Variants in FBXO33 observed in about 807,000 individuals in gnomAD.
FBXO33 encodes F-box only protein 33.
A neutral mutation model predicts 46.3 loss-of-function variants in FBXO33; 22 were observed. The observed-to-expected ratio is 0.48, with a 90% confidence interval of 0.34 to 0.68. The LOEUF (loss-of-function observed/expected upper bound fraction) is 0.68. FBXO33 is among the 30% of genes least tolerant of loss of function. FBXO33 has a pLI of 0.01. For missense variants in FBXO33, 692 were observed against 708.8 expected (o/e 0.98, Z 0.27); for synonymous variants, 337 against 291.3 (o/e 1.16, Z -1.60).
intron 1 of FBXO33, among the ~76,000 whole-genome samples, chr14:39,413,040 T>G (rs1380716902): frequency 6.6e-6 from 1 of 152,262 alleles, no homozygotes; most frequent in Non-Finnish European, 1.5e-5. Flanking sequence ...CAATGAAGTT[T>G]GCTGCATCTG....
At chr14:39,431,256 T>C (rs1172570730) in intron 1 of FBXO33, among the ~76,000 whole-genome samples, 1 of 152,048 alleles carries the variant, frequency 6.6e-6, no homozygotes, top group African/African-American at 2.4e-5. Flanking sequence ...CTCCCATATA[T>C]AAAATGAAAA....
intron 1 of FBXO33, among the ~76,000 whole-genome samples, chr14:39,408,918 C>G (rs1388065538): frequency 1.3e-5 from 2 of 151,868 alleles, no homozygotes; most frequent in Non-Finnish European, 2.9e-5. Context: ...TGGGACTACA[C>G]ATGCATGCTA....
chr14:39,413,670 T>C (rs967944726), intron 1 of FBXO33, among the ~76,000 whole-genome samples: 2 of 152,240 alleles, frequency 1.3e-5, no homozygotes, highest in African/African-American at 2.4e-5. Context: ...CTTGGATCCA[T>C]GGGCTGCAGA....
chr14:39,418,034 C>CT (rs199628299), intron 1 of FBXO33, among the ~76,000 whole-genome samples: 68 of 151,102 alleles, frequency 4.5e-4, no homozygotes, highest in African/African-American at 1.6e-3. Flanking sequence ...ATCTGGTGGA[C>CT]TTTTTTTTTG....
chr14:39,428,989 T>C (rs1055399821), intron 1 of FBXO33, among the ~76,000 whole-genome samples: 4 of 152,228 alleles, frequency 2.6e-5, no homozygotes, highest in Non-Finnish European at 4.4e-5. Context: ...GAGGCACTTA[T>C]GCACCTTCTT....
intron 1 of FBXO33, among the ~76,000 whole-genome samples, chr14:39,425,399 A>C (rs1439060990): frequency 6.6e-6 from 1 of 152,208 alleles, no homozygotes. Flanking sequence ...ATTACAGCTA[A>C]GAAGAATTAG....
At position 39,430,074 on chromosome 14, in the gene FBXO33, T is replaced by C. The variant is rs866865690; in HGVS notation, c.599+1490A>G. ...GAAAAATCTAATTGGTACTCACTCATTGAATTCACCCTCAACCTTGGTCTC... is the reference window on the plus strand; with the variant it reads ...GAAAAATCTAATTGGTACTCACTCACTGAATTCACCCTCAACCTTGGTCTC... On this transcript the variant is annotated intron_variant, in intron 1 of 3. Coordinates refer to ENST00000298097, the MANE Select transcript of FBXO33 (RefSeq NM_203301.4). Among the ~76,000 whole-genome samples the C allele has an allele frequency of 5.3e-5, 8 of 152,332 alleles. 1 individual carries two copies. The South Asian group carries it at 6.2e-4, about 12-fold the overall frequency.
chr14:39,431,095 C>A (rs1213537208), intron 1 of FBXO33, among the ~76,000 whole-genome samples: 36 of 152,172 alleles, frequency 2.4e-4, no homozygotes, highest in Non-Finnish European at 2.9e-5. Context: ...ATGGCTGTTA[C>A]AAAATTTCTT....
chr14:39,428,452 G>A (rs1225088439), intron 1 of FBXO33, among the ~76,000 whole-genome samples: 3 of 151,978 alleles, frequency 2.0e-5, no homozygotes, highest in African/African-American at 4.8e-5. Flanking sequence ...CACCCGTCTC[G>A]GCCTCCCAGA....
At chr14:39,419,655 T>G (rs906295247) in intron 1 of FBXO33, among the ~76,000 whole-genome samples, 5 of 152,226 alleles carry the variant, frequency 3.3e-5, no homozygotes, top group African/African-American at 4.8e-5. Flanking sequence ...GTTTATTTAC[T>G]CATTCATTTA....
At chr14:39,410,145 TATG>T (rs1416974410) in intron 1 of FBXO33, among the ~76,000 whole-genome samples, 5 of 152,202 alleles carry the variant, frequency 3.3e-5, no homozygotes, top group African/African-American at 9.7e-5. Flanking sequence ...CACTATTGAG[TATG>T]ATATTAAGCT....
Position 39,431,752 on chromosome 14 carries a change from T to C in FBXO33, c.411A>G (p.Arg137=), listed in dbSNP as rs980363882. ...CGGCGGCGAATTCAACACGCAGCTCTCGCACGAACCAGCCGCACTTGCGCA... is the reference window on the plus strand; with the variant it reads ...CGGCGGCGAATTCAACACGCAGCTCCCGCACGAACCAGCCGCACTTGCGCA... The part of the protein sequence containing the change: ...FLMRKCGWFV[R]ELRVEFAAEN... Residue 137 remains arginine, a synonymous_variant, in exon 1 of 4, where the codon CGA becomes CGG. Transcript: ENST00000298097. The C allele has an allele frequency of 6.2e-7, 1 of 1,612,844 alleles. No individual in the cohort carries two copies. The highest frequency in any genetic ancestry group is 1.7e-5 in the Admixed American group (1 of 60,036).
intron 1 of FBXO33, among the ~76,000 whole-genome samples, chr14:39,423,945 C>T (rs559031586): frequency 4.6e-5 from 7 of 152,112 alleles, no homozygotes; most frequent in Admixed American, 4.6e-4. Flanking sequence ...CAACTCTTAC[C>T]CTGCTGCCTC....
chr14:39,423,618 C>A (rs1418216357), intron 1 of FBXO33, among the ~76,000 whole-genome samples: 1 of 152,122 alleles, frequency 6.6e-6, no homozygotes, highest in Non-Finnish European at 1.5e-5. Flanking sequence ...CTCAGACATA[C>A]AACATTGAGC....
In FBXO33 at chr14:39,431,835, G is replaced by C; in HGVS notation, c.328C>G (p.Gln110Glu). ...GAGACGCGGAGGCAGATGCGGAGCTGGGGCCACAGGGCCGGATAGAAGAGG... is the reference window on the plus strand; with the variant it reads ...GAGACGCGGAGGCAGATGCGGAGCTCGGGCCACAGGGCCGGATAGAAGAGG... ...ECLFYPALWP[Q>E]LRICLRVSPA... Residue 110 changes from glutamine (Q) to glutamate (E), a missense_variant, in exon 1 of 4, where the codon CAG becomes GAG. Gln to Glu is a conservative substitution (Grantham distance 29, BLOSUM62 2). This residue lies in a region of FBXO33 where 412 missense variants were observed against 370.8 expected (regional missense o/e 1.11). Transcript: ENST00000298097. 6.2e-7 allele frequency: 1 copy of C among 1,605,312 alleles called. No individual in the cohort carries two copies. The highest frequency in any genetic ancestry group is 8.5e-7 in the Non-Finnish European group (1 of 1,178,368).
At chr14:39,410,037 T>C (rs917356342) in intron 1 of FBXO33, among the ~76,000 whole-genome samples, 7 of 152,178 alleles carry the variant, frequency 4.6e-5, no homozygotes, top group African/African-American at 1.4e-4. Flanking sequence ...CTTCCCTAAT[T>C]GCTCCGGCTA....
chr14:39,430,203 C>A (rs2075535987), intron 1 of FBXO33, among the ~76,000 whole-genome samples: 1 of 152,140 alleles, frequency 6.6e-6, no homozygotes, highest in African/African-American at 2.4e-5. Context: ...CTGTTTTTAG[C>A]TTCAATGGCC....
chr14:39,416,984 G>A (rs2075451625), intron 1 of FBXO33, among the ~76,000 whole-genome samples: 1 of 152,156 alleles, frequency 6.6e-6, no homozygotes, highest in Admixed American at 6.5e-5. Context: ...GTTTGCTGTA[G>A]AGGGTACCCA....
chr14:39,423,478 T>G (rs2075495180), intron 1 of FBXO33, among the ~76,000 whole-genome samples: 1 of 152,124 alleles, frequency 6.6e-6, no homozygotes, highest in Non-Finnish European at 1.5e-5. Flanking sequence ...TGCACAAATA[T>G]GTATGCAGAT....
Sources: gnomAD v4.1 joint callset for allele counts (sites outside exome capture counted in the v4.1 genomes callset) on GRCh38, gnomAD v4.1.1 for gene constraint, gnomAD v4.1.1 regional missense constraint, MANE v1.5 for transcripts, NCBI Gene and HGNC (gene_info 2026-07-23, HGNC 2026-07-21) for gene names.